Variants in RIF1 observed in about 807,000 individuals in gnomAD.
The protein encoded by RIF1 is replication timing regulatory factor 1.
RIF1 carries 45 observed loss-of-function variants against 247.1 expected under a neutral mutation model. The ratio of observed to expected loss-of-function variants is 0.18; its 90% CI spans 0.14 to 0.23. The LOEUF (loss-of-function observed/expected upper bound fraction) is 0.23. RIF1 is among the 10% of genes least tolerant of loss of function. The pLI, the probability that RIF1 is intolerant of heterozygous loss-of-function variation, is 1.00. For missense variants in RIF1, 2,967 were observed against 2,862.5 expected, an observed-to-expected ratio of 1.04 and a Z score of -0.83; for synonymous variants, 1,087 against 978.8, an observed-to-expected ratio of 1.11 and a Z score of -2.06.
chr2:151,514,086 T>C, the RIF1 span, among the ~76,000 whole-genome samples: 3 of 152,200 alleles, frequency 2.0e-5, no homozygotes, highest in Admixed American at 2.0e-4. Context: ...CAAATAATAT[T>C]AGATAATAGA....
the RIF1 span, among the ~76,000 whole-genome samples, chr2:151,533,882 TG>T: frequency 6.6e-6 from 1 of 152,262 alleles, no homozygotes; most frequent in Non-Finnish European, 1.5e-5. Flanking sequence ...AATTTTTGTT[TG>T]TTTTTTGTTG....
the RIF1 span, among the ~76,000 whole-genome samples, chr2:151,517,050 A>G: frequency 1.3e-5 from 2 of 152,326 alleles, no homozygotes; most frequent in South Asian, 4.1e-4. Context: ...TTTATAAGTA[A>G]ACAACTCTAT....
chr2:151,426,772 G>A (rs918953522), intron 8 of RIF1, among the ~76,000 whole-genome samples: 3 of 150,678 alleles, frequency 2.0e-5, no homozygotes, highest in African/African-American at 4.9e-5. Context: ...TCGGCCTCCC[G>A]AGTAGCTGGG....
At chr2:151,414,755 ACTT>A (rs909013916) in intron 3 of RIF1, 65 bp from the exon 4 acceptor site, 9 of 1,067,364 alleles carry the variant, frequency 8.4e-6, no homozygotes, top group East Asian at 2.4e-5. Flanking sequence ...TCTGTAATCA[ACTT>A]CTGCTTTCTA....
At position 151,416,630 on chromosome 2, in the gene RIF1, C is replaced by T. The variant is rs758423739; in HGVS notation, c.350C>T (p.Thr117Ile). ...TIKNSDKNVR[T>I]RALWVISKQT... is the part of the protein sequence containing the mutation. Reference sequence around the variant, plus strand: ...AAGAATTCAGACAAAAATGTACGTACTAGAGCACTTTGGGTGATATCTAAG... The same window carrying T: ...AAGAATTCAGACAAAAATGTACGTATTAGAGCACTTTGGGTGATATCTAAG... Residue 117 changes from threonine to isoleucine, a missense_variant, in exon 5 of 36, where the codon ACT (threonine) becomes ATT (isoleucine). Transcript: ENST00000444746. 1.2e-6 allele frequency: 2 copies of T among 1,611,982 alleles called. No individual in the cohort carries two copies. Among genetic ancestry groups the T allele is most frequent in the South Asian group, 1.1e-5 (1 of 90,472 alleles).
chr2:151,473,206 T>C (rs111390066), intron 34 of RIF1, among the ~76,000 whole-genome samples: 25 of 152,202 alleles, frequency 1.6e-4, no homozygotes, highest in South Asian at 4.1e-4. Flanking sequence ...ACTGAACTTA[T>C]TATTTTCAGA....
chr2:151,523,921 T>G, the RIF1 span, among the ~76,000 whole-genome samples: 1 of 152,208 alleles, frequency 6.6e-6, no homozygotes, highest in Non-Finnish European at 1.5e-5. Context: ...CTGGTTGGAT[T>G]CTAGAAGTTA....
At chr2:151,494,558 T>A (rs188261363) in intron 9 of RIF1, among the ~76,000 whole-genome samples, 2 of 152,176 alleles carry the variant, frequency 1.3e-5, no homozygotes, top group African/African-American at 2.4e-5. Flanking sequence ...TGAGAGATGA[T>A]CCAAACAGGA....
At chr2:151,512,961 C>A, downstream of RIF1, 1 of 672,930 alleles carries the variant, frequency 1.5e-6, no homozygotes, top group Non-Finnish European at 2.6e-6. Flanking sequence ...TGACATTCAA[C>A]AGATATTTCT....
At position 151,443,528 on chromosome 2, in the gene RIF1, G is replaced by T; in HGVS notation, c.1806-1G>T. The T allele has an allele frequency of 6.4e-7, 1 of 1,554,336 alleles. No individual in the cohort carries two copies. The highest frequency in any genetic ancestry group is 8.6e-7 in the Non-Finnish European group (1 of 1,157,908). On this transcript the variant is annotated splice_acceptor_variant, in intron 17 of 35. Coordinates refer to ENST00000444746, the MANE Select transcript of RIF1 (RefSeq NM_018151.5). LOFTEE classifies it high-confidence loss of function. ...TGCATTTTTTATAATTTTTTGTTCA[G>T]GTTCTTTCTCAGTTTGGAATCACTT...
chr2:151,413,221 G>C (rs1014101006), intron 3 of RIF1, among the ~76,000 whole-genome samples: 3 of 151,528 alleles, frequency 2.0e-5, no homozygotes. Context: ...TAGTAGAGAC[G>C]GGGGTTTCTC....
the RIF1 span, chr2:151,518,265 T>C: frequency 3.1e-6 from 4 of 1,286,872 alleles, no homozygotes; most frequent in African/African-American, 2.9e-5. Flanking sequence ...TTTTTTCACA[T>C]TGTACTGTGG....
In RIF1 at chr2:151,430,101, A is replaced by G. The variant is rs769537215; in HGVS notation, c.925+1179A>G. 4.0e-5 allele frequency among the ~76,000 whole-genome samples: 6 copies of G among 151,888 alleles called. No homozygotes were observed. The East Asian group carries it at 5.8e-4, about 15-fold the overall frequency. On this transcript the variant is annotated intron_variant, in intron 9 of 35. Transcript: ENST00000444746. ...AGTGGCACAATCTCGGCTCACTGCA[A>G]GCTCCGCCTCCTGGGTTCACACCAT... is the stretch of plus-strand genomic sequence containing the variant.
At position 151,490,007 on chromosome 2, in the gene RIF1, C is replaced by T. The variant is rs200083849; in HGVS notation, c.*416-5222C>T. Reference sequence around the variant, plus strand: ...ATGGATGAGATGGGATGGAAGATACCGTTGTCTGTTGGGTAGCAACTGAAG... The same window carrying T: ...ATGGATGAGATGGGATGGAAGATACTGTTGTCTGTTGGGTAGCAACTGAAG... On this transcript the variant is annotated intron_variant and NMD_transcript_variant, in intron 9 of 13. Coordinates refer to the RIF1 transcript ENST00000454583. The T allele has an allele frequency of 6.6e-5, 106 of 1,612,286 alleles. No homozygotes were observed. Among genetic ancestry groups the T allele is most frequent in the Non-Finnish European group, 8.1e-5 (95 of 1,178,612 alleles).
At position 151,475,048 on chromosome 2, in the gene RIF1, C is replaced by G; in HGVS notation, c.7396C>G (p.Pro2466Ala). ...AAATCTACAGTCACGTTGGAGATCA[C>G]CATCCCATGAAAATTCTATTTAGTA... ...IKNLQSRWRS[P>A]SHENSI The change falls in exon 36 of 36, where the codon CCA (proline) becomes GCA (alanine). Residue 2466 changes from proline to alanine, a missense_variant. Transcript: ENST00000444746. 2 of 1,610,912 alleles carry G rather than the reference C, an allele frequency of 1.2e-6. No individual in the cohort carries two copies. Among genetic ancestry groups the G allele is most frequent in the Non-Finnish European group, 1.7e-6 (2 of 1,177,544 alleles).
In RIF1 at chr2:151,502,854, A is replaced by G. The variant is rs933996254; in HGVS notation, c.*710-180A>G. ...CATCTCTGGAGTGATAGGTGTTGGGATTCCTTTCCCCAAATTTTCTTTGTA... is the reference window on the plus strand; with the variant it reads ...CATCTCTGGAGTGATAGGTGTTGGGGTTCCTTTCCCCAAATTTTCTTTGTA... On this transcript the variant is annotated intron_variant and NMD_transcript_variant, in intron 11 of 13. Transcript: ENST00000454583. The G allele has an allele frequency of 1.2e-6, 2 of 1,605,844 alleles. No individual in the cohort carries two copies.
Position 151,494,233 on chromosome 2 carries a change from C to T in RIF1, c.*416-996C>T, listed in dbSNP as rs778385532. The T allele has an allele frequency of 1.9e-6, 3 of 1,601,742 alleles. No individual in the cohort carries two copies. The East Asian group carries it at 6.7e-5, about 36-fold the overall frequency. On this transcript the variant is annotated intron_variant and NMD_transcript_variant, in intron 9 of 13. Coordinates refer to the RIF1 transcript ENST00000454583. ...TGACAGGGGTTGCGGTGGCTTTCCCCACATTTTCTTTGTACAAAACCTATG... is the reference window on the plus strand; with the variant it reads ...TGACAGGGGTTGCGGTGGCTTTCCCTACATTTTCTTTGTACAAAACCTATG...
At chr2:151,427,296 G>A (rs1026035471) in intron 8 of RIF1, among the ~76,000 whole-genome samples, 3 of 150,330 alleles carry the variant, frequency 2.0e-5, no homozygotes, top group Admixed American at 6.6e-5. Flanking sequence ...CTGCAGCCTC[G>A]GCCTCTCAGG....
At chr2:151,511,496 G>T (rs1352597197), downstream of RIF1, among the ~76,000 whole-genome samples, 4 of 152,140 alleles carry the variant, frequency 2.6e-5, no homozygotes, top group Non-Finnish European at 5.9e-5. Flanking sequence ...GATTTCCAGA[G>T]CCTACCACAG....
Sources: allele counts gnomAD v4.1 joint callset (sites outside exome capture counted in the v4.1 genomes callset), GRCh38; gene constraint gnomAD v4.1.1; transcripts MANE v1.5; gene names NCBI Gene and HGNC (gene_info 2026-07-23, HGNC 2026-07-21).